WWOX: variants seen among roughly 807,000 people sequenced by gnomAD.
WWOX encodes the protein WW domain containing oxidoreductase.
A neutral mutation model predicts 46.2 loss-of-function variants in WWOX; 69 were observed. The observed-to-expected ratio is 1.49, with a 90% confidence interval of 1.23 to 1.82. The LOEUF (loss-of-function observed/expected upper bound fraction) is 1.82, where lower values mean the gene tolerates loss of function less well. Ranked by LOEUF, WWOX falls within the 40% of genes most tolerant of loss-of-function variation. The pLI is 0.00. For synonymous variants in WWOX, 359 were observed against 202.6 expected (o/e 1.77, Z -6.56); for missense variants, 919 against 542.6 (o/e 1.69, Z -6.89).
intron 8 of WWOX, among the ~76,000 whole-genome samples, chr16:79,051,164 C>T (rs939083349): frequency 6.6e-6 from 1 of 152,162 alleles, no homozygotes; most frequent in African/African-American, 2.4e-5. Flanking sequence ...ATATGTGTGA[C>T]TTGAAGTTGG....
intron 8 of WWOX, among the ~76,000 whole-genome samples, chr16:78,908,375 A>C (rs2045021063): frequency 6.6e-6 from 1 of 152,074 alleles, no homozygotes; most frequent in Non-Finnish European, 1.5e-5. Context: ...CCCCATCCCT[A>C]CTAAAGATAC....
chr16:78,980,155 C>A (rs977041194), intron 8 of WWOX, among the ~76,000 whole-genome samples: 2 of 152,090 alleles, frequency 1.3e-5, no homozygotes, highest in African/African-American at 4.8e-5. Flanking sequence ...AATGTGTGCC[C>A]CCTTTTCCTC....
intron 8 of WWOX, among the ~76,000 whole-genome samples, chr16:79,164,122 C>T (rs1269091785): frequency 6.6e-6 from 1 of 152,200 alleles, no homozygotes; most frequent in African/African-American, 2.4e-5. Flanking sequence ...GGCCCAGAAA[C>T]AAGGCTACAA....
intron 5 of WWOX, among the ~76,000 whole-genome samples, chr16:78,212,315 G>A (rs2036584708): frequency 6.6e-6 from 1 of 152,292 alleles, no homozygotes; most frequent in South Asian, 2.1e-4. Flanking sequence ...AACCTCAGAG[G>A]AAACAATTTG....
intron 8 of WWOX, among the ~76,000 whole-genome samples, chr16:78,547,363 G>T (rs371434888): frequency 8.7e-4 from 132 of 152,226 alleles, no homozygotes; most frequent in African/African-American, 3.1e-3. Flanking sequence ...AGAGAGGTTA[G>T]ATGTGTATCT....
At chr16:78,709,763 C>G (rs1425843132) in intron 8 of WWOX, among the ~76,000 whole-genome samples, 1 of 148,670 alleles carries the variant, frequency 6.7e-6, no homozygotes. Context: ...TAATCTCTCT[C>G]TGTCACCCAC....
chr16:78,201,746 CTGGAGTGCAG>C (rs2036236420), intron 5 of WWOX, among the ~76,000 whole-genome samples: 1 of 151,938 alleles, frequency 6.6e-6, no homozygotes, highest in Non-Finnish European at 1.5e-5. Context: ...GTCACCAAGT[CTGGAGTGCAG>C]TGGTGTGACC....
At chr16:78,704,608 T>C (rs2048293226) in intron 8 of WWOX, among the ~76,000 whole-genome samples, 1 of 152,176 alleles carries the variant, frequency 6.6e-6, no homozygotes, top group Non-Finnish European at 1.5e-5. Flanking sequence ...TTTGCACAAG[T>C]GGTTAAAATT....
chr16:78,506,122 A>G (rs977439913), intron 8 of WWOX, among the ~76,000 whole-genome samples: 1 of 152,190 alleles, frequency 6.6e-6, no homozygotes, highest in Non-Finnish European at 1.5e-5. Context: ...AGGGGAGGAC[A>G]GGCTTCGAGT....
Position 78,347,629 on chromosome 16 carries a change from C to T in WWOX, c.517-39231C>T, listed in dbSNP as rs936632472. On this transcript the variant is annotated intron_variant, in intron 5 of 8. Transcript: ENST00000566780. The stretch of plus-strand genomic sequence containing the variant: ...TCTAATAAATAAATGAACTTGTGTT[C>T]TCCATATTCCTTGAAAATATGCTTC... Among the ~76,000 whole-genome samples the T allele has an allele frequency of 1.6e-5, 2 of 121,442 alleles. 1 individual carries two copies. The highest frequency in any genetic ancestry group is 3.9e-5 in the Non-Finnish European group (2 of 50,832). The allele number at this position is 121,442 out of a possible 152,430, so 79.7% of individuals were successfully genotyped here.
chr16:78,646,817 C>T (rs1310912026), intron 8 of WWOX, among the ~76,000 whole-genome samples: 2 of 152,178 alleles, frequency 1.3e-5, no homozygotes, highest in African/African-American at 4.8e-5. Flanking sequence ...TGCCTAGAAT[C>T]GCCTTCCTTT....
At chr16:78,715,252 T>C (rs1435181885) in intron 8 of WWOX, among the ~76,000 whole-genome samples, 1 of 152,168 alleles carries the variant, frequency 6.6e-6, no homozygotes, top group African/African-American at 2.4e-5. Flanking sequence ...CACACAGAGC[T>C]TTGTCTTTTC....
chr16:79,190,920 C>G (rs1349313993), intron 8 of WWOX, among the ~76,000 whole-genome samples: 2 of 152,154 alleles, frequency 1.3e-5, no homozygotes, highest in African/African-American at 4.8e-5. Flanking sequence ...TTGGTGTTAC[C>G]TAAATTTTGT....
chr16:79,036,738 G>C (rs752171003), intron 8 of WWOX, among the ~76,000 whole-genome samples: 2 of 152,188 alleles, frequency 1.3e-5, no homozygotes. Flanking sequence ...GTGAGCGAAG[G>C]ATTGGGAAGA....
At chr16:78,568,256 G>T (rs967625322) in intron 8 of WWOX, among the ~76,000 whole-genome samples, 1 of 151,944 alleles carries the variant, frequency 6.6e-6, no homozygotes, top group Non-Finnish European at 1.5e-5. Context: ...GAAAATATAT[G>T]AGGTACGGGA....
intron 5 of WWOX, among the ~76,000 whole-genome samples, chr16:78,330,317 AAATT>A (rs2080725121): frequency 1.3e-5 from 2 of 152,208 alleles, no homozygotes; most frequent in South Asian, 2.1e-4. Flanking sequence ...AAATTAAAGA[AAATT>A]AATATTTCCA....
At chr16:78,856,010 A>G (rs565855734) in intron 8 of WWOX, among the ~76,000 whole-genome samples, 2 of 152,218 alleles carry the variant, frequency 1.3e-5, no homozygotes, top group Non-Finnish European at 2.9e-5. Flanking sequence ...GACTAACTTT[A>G]TCTAACTTTA....
At chr16:78,942,988 C>G (rs528362840) in intron 8 of WWOX, among the ~76,000 whole-genome samples, 135 of 152,168 alleles carry the variant, frequency 8.9e-4, no homozygotes, top group Non-Finnish European at 1.6e-3. Flanking sequence ...TGTATCAGAT[C>G]AACTTTGAAT....
At chr16:78,989,273 G>C (rs1392337186) in intron 8 of WWOX, among the ~76,000 whole-genome samples, 1 of 152,072 alleles carries the variant, frequency 6.6e-6, no homozygotes. Flanking sequence ...TCAATTAGAA[G>C]GCCTTCTTTT....
Sources: allele counts gnomAD v4.1 joint callset (sites outside exome capture counted in the v4.1 genomes callset), GRCh38; gene constraint gnomAD v4.1.1; transcripts MANE v1.5; gene names NCBI Gene and HGNC (gene_info 2026-07-23, HGNC 2026-07-21).